Variants in CYP2C19 observed in about 807,000 individuals in gnomAD.
CYP2C19 encodes the protein cytochrome P450 2C19.
CYP2C19 carries 59 observed loss-of-function variants against 40.9 expected under a neutral mutation model. The ratio of observed to expected loss-of-function variants is 1.44; its 90% CI spans 1.17 to 1.79. The LOEUF is 1.79. Among genes scored for constraint, CYP2C19 ranks in the 40% most tolerant of loss-of-function variants. The pLI is 0.00. For synonymous variants in CYP2C19, 253 were observed against 208.7 expected, an observed-to-expected ratio of 1.21 and a Z score of -1.83; for missense variants, 754 against 596.9, an observed-to-expected ratio of 1.26 and a Z score of -2.74.
chr10:94,842,954 A>G lies in CYP2C19; in HGVS notation c.1079A>G (p.Asp360Gly). ...AVVHEVQRYI[D>G]LIPTSLPHAV... ...GTGCACGAGGTCCAGAGATACATCG[A>G]CCTCATCCCCACCAGCCTGCCCCAT... Residue 360 changes from aspartate (D) to glycine (G), a missense_variant, in exon 7 of 9, where the codon GAC becomes GGC. By Grantham distance (94) the Asp-to-Gly change is moderately conservative. Transcript: ENST00000371321. The G allele has an allele frequency of 6.2e-7, 1 of 1,614,170 alleles. No homozygotes were observed. Among genetic ancestry groups the G allele is most frequent in the East Asian group, 2.2e-5 (1 of 44,878 alleles).
chr10:94,795,406 A>T (rs975008885), intron 5 of CYP2C19, among the ~76,000 whole-genome samples: 17 of 151,934 alleles, frequency 1.1e-4, no homozygotes, highest in African/African-American at 3.6e-4. Flanking sequence ...TCTATCATTG[A>T]TGGACATTTG....
rs146738738 is a variant in CYP2C19 at position 94,824,672 on chromosome 10, A to C, written c.961+4035A>C. On this transcript the variant is annotated intron_variant, in intron 6 of 8. Transcript: ENST00000371321. ...TTTCAAACATTTCATTTTTTTAATT[A>C]TACTTTAAGTTTTAGGGTACATGTG... 2.2e-3 allele frequency among the ~76,000 whole-genome samples: 342 copies of C among 152,146 alleles called. 4 individuals are homozygous for C. The highest frequency in any genetic ancestry group is 7.7e-3 in the African/African-American group (318 of 41,508).
rs80175350 is a variant in CYP2C19, at chr10:94,854,469, A to G, written c.*1555A>G. Among the ~76,000 whole-genome samples the G allele has an allele frequency of 1.3e-5, 2 of 152,114 alleles. No homozygotes were observed. Among genetic ancestry groups the G allele is most frequent in the Admixed American group, 6.6e-5 (1 of 15,262 alleles). ...ATCTCCAAAGCATAGACAACTAAGT[A>G]TCTTATGTTAAATTATGTTCACCAC... On this transcript the variant is annotated 3_prime_UTR_variant, in exon 9 of 9. Transcript: ENST00000371321.
chr10:94,809,257 CTT>C (rs555806234), intron 5 of CYP2C19, among the ~76,000 whole-genome samples: 6 of 152,122 alleles, frequency 3.9e-5, no homozygotes, highest in Non-Finnish European at 7.4e-5. Flanking sequence ...CTATTCAAAT[CTT>C]TTGCCCACTT....
chr10:94,796,359 C>A (rs979008500), intron 5 of CYP2C19, among the ~76,000 whole-genome samples: 1 of 151,096 alleles, frequency 6.6e-6, no homozygotes, highest in Admixed American at 6.6e-5. Flanking sequence ...TGGTCTATAT[C>A]CATATGGTAC....
intron 6 of CYP2C19, among the ~76,000 whole-genome samples, chr10:94,836,329 T>C (rs1337599817): frequency 6.6e-6 from 1 of 152,240 alleles, no homozygotes; most frequent in Non-Finnish European, 1.5e-5. Context: ...GTTTCCTTAC[T>C]CAGGTATGCC....
intron 5 of CYP2C19, among the ~76,000 whole-genome samples, chr10:94,816,446 T>A (rs1849003515): frequency 6.6e-6 from 1 of 152,102 alleles, no homozygotes; most frequent in South Asian, 2.1e-4. Context: ...TGGTAACAGA[T>A]TAACAAACTA....
At chr10:94,785,312 G>A (rs551821796) in intron 5 of CYP2C19, among the ~76,000 whole-genome samples, 62 of 151,922 alleles carry the variant, frequency 4.1e-4, no homozygotes, top group African/African-American at 1.3e-3. Context: ...AAGTTTTTCC[G>A]TCCATTTTTC....
At chr10:94,800,900 C>T (rs759794066) in intron 5 of CYP2C19, among the ~76,000 whole-genome samples, 1 of 152,152 alleles carries the variant, frequency 6.6e-6, no homozygotes, top group African/African-American at 2.4e-5. Context: ...GTGAGAGTGT[C>T]CTGCTTTTCC....
At position 94,853,771 on chromosome 10, in the gene CYP2C19, C is replaced by T. The variant is rs1744688699; in HGVS notation, c.*857C>T. On this transcript the variant is annotated 3_prime_UTR_variant, in exon 9 of 9. Coordinates refer to ENST00000371321, the MANE Select transcript of CYP2C19 (RefSeq NM_000769.4). ...CCATGTTAGCCAGGATGATCTCAAT[C>T]TGCTGACCTCCTGATCTGCCTGCCT... Among the ~76,000 whole-genome samples, 1 of 152,052 alleles carries T rather than the reference C, an allele frequency of 6.6e-6. No homozygotes were observed. Among genetic ancestry groups the T allele is most frequent in the African/African-American group, 2.4e-5 (1 of 41,412 alleles).
intron 5 of CYP2C19, among the ~76,000 whole-genome samples, chr10:94,800,105 C>A (rs190791263): frequency 6.6e-6 from 1 of 152,160 alleles, no homozygotes; most frequent in South Asian, 2.1e-4. Flanking sequence ...GAATTTTCAG[C>A]TTTTCTGCTC....
chr10:94,800,095 GA>G (rs1379100536), intron 5 of CYP2C19, among the ~76,000 whole-genome samples: 1 of 152,118 alleles, frequency 6.6e-6, no homozygotes, highest in Non-Finnish European at 1.5e-5. Context: ...CTGGTTTTTA[GA>G]ATTTTCAGCT....
chr10:94,766,516 T>C (rs1848246324), intron 1 of CYP2C19, among the ~76,000 whole-genome samples: 1 of 152,066 alleles, frequency 6.6e-6, no homozygotes, highest in Non-Finnish European at 1.5e-5. Flanking sequence ...GCAAAGAGTA[T>C]GGTTAATATG....
intron 3 of CYP2C19, among the ~76,000 whole-genome samples, chr10:94,776,759 C>G (rs1016520224): frequency 6.6e-6 from 1 of 152,152 alleles, no homozygotes; most frequent in Non-Finnish European, 1.5e-5. Flanking sequence ...GATGCCCTCT[C>G]TCACCACTCC....
At chr10:94,847,044 C>T (rs1390490661) in intron 7 of CYP2C19, among the ~76,000 whole-genome samples, 1 of 151,542 alleles carries the variant, frequency 6.6e-6, no homozygotes, top group African/African-American at 2.4e-5. Flanking sequence ...CCCATGTCAA[C>T]AGAGACTTCA....
rs369472425 is a variant in CYP2C19 at position 94,790,738 on chromosome 10, A to G, written c.819+8741A>G. On this transcript the variant is annotated intron_variant, in intron 5 of 8. Coordinates refer to ENST00000371321, the MANE Select transcript of CYP2C19 (RefSeq NM_000769.4). Reference sequence around the variant, plus strand: ...TGAAGCCAACTTGATCGTGGTGGATAAGCTTGTTGATGTGCTGCTGGATTC... The same window carrying G: ...TGAAGCCAACTTGATCGTGGTGGATGAGCTTGTTGATGTGCTGCTGGATTC... Among the ~76,000 whole-genome samples the G allele has an allele frequency of 4.6e-5, 7 of 152,252 alleles. No homozygotes were observed. The East Asian group carries it at 5.8e-4, about 13-fold the overall frequency.
chr10:94,764,742 T>G (rs2134228746), intron 1 of CYP2C19, among the ~76,000 whole-genome samples: 1 of 152,200 alleles, frequency 6.6e-6, no homozygotes, highest in Non-Finnish European at 1.5e-5. Flanking sequence ...TGTAAGACCA[T>G]CTGTAGCTTG....
At position 94,795,526 on chromosome 10, in the gene CYP2C19, G is replaced by A. The variant is rs186764643; in HGVS notation, c.819+13529G>A. Among the ~76,000 whole-genome samples the A allele has an allele frequency of 3.4e-3, 514 of 152,162 alleles. 1 individual carries two copies. The highest frequency in any genetic ancestry group is 0.012 in the African/African-American group (498 of 41,518). ...TCTTTTGGGTATTTACCCAGTAATG[G>A]GATGGCTGGGTCAAATGGTATTTCC... On this transcript the variant is annotated intron_variant, in intron 5 of 8. Transcript: ENST00000371321.
intron 5 of CYP2C19, among the ~76,000 whole-genome samples, chr10:94,801,084 T>C (rs961288164): frequency 2.0e-5 from 3 of 152,170 alleles, no homozygotes; most frequent in Admixed American, 2.0e-4. Flanking sequence ...AGTGCAGAAA[T>C]CACTTGTCTT....
Sources: gnomAD v4.1 joint callset for allele counts (sites outside exome capture counted in the v4.1 genomes callset) on GRCh38, gnomAD v4.1.1 for gene constraint, MANE v1.5 for transcripts, NCBI Gene and HGNC (gene_info 2026-07-23, HGNC 2026-07-21) for gene names.